The following THSD7B variants were observed in gnomAD, a reference collection of about 807,000 sequenced individuals.
The protein encoded by THSD7B is thrombospondin type-1 domain-containing protein 7B.
A neutral mutation model predicts 213.6 loss-of-function variants in THSD7B; 138 were observed. That is an observed-to-expected ratio of 0.65 (90% confidence interval 0.56 to 0.74). The LOEUF is 0.74. THSD7B is among the 30% of genes least tolerant of loss of function. THSD7B has a pLI of 0.00. For missense variants in THSD7B, 1,931 were observed against 1,991.5 expected (o/e 0.97, Z 0.58); for synonymous variants, 742 against 687.0 (o/e 1.08, Z -1.25).
At chr2:137,008,286 GCAGA>G (rs1686154077) in intron 2 of THSD7B, among the ~76,000 whole-genome samples, 1 of 152,072 alleles carries the variant, frequency 6.6e-6, no homozygotes, top group Non-Finnish European at 1.5e-5. Context: ...ATGTCCTCTG[GCAGA>G]CAGTGAGTTG....
intron 12 of THSD7B, among the ~76,000 whole-genome samples, chr2:137,384,289 G>C (rs1270505164): frequency 6.6e-6 from 1 of 152,148 alleles, no homozygotes; most frequent in Non-Finnish European, 1.5e-5. Context: ...TGGATTGCAG[G>C]CTTCATATTT....
At chr2:136,908,734 G>C (rs1482611726) in intron 2 of THSD7B, among the ~76,000 whole-genome samples, 1 of 152,200 alleles carries the variant, frequency 6.6e-6, no homozygotes, top group Non-Finnish European at 1.5e-5. Context: ...CCCAGCTAGT[G>C]CCGAGGCTGA....
rs1218399849 is a variant in THSD7B, at chr2:137,470,912, T to A, written c.3138+19889T>A. ...TCCTATTTCTTTATTTTTCTTTACT[T>A]TTTTTTTTTTTTTTTTTTCTTTTTT... On this transcript the variant is annotated intron_variant, in intron 15 of 27. Transcript: ENST00000409968. 2.0e-3 allele frequency among the ~76,000 whole-genome samples: 9 copies of A among 4,520 alleles called. No individual in the cohort carries two copies. The South Asian group carries it at 0.12, about 63-fold the overall frequency. The allele number at this position is 4,520 out of a possible 152,430, so 3.0% of individuals were successfully genotyped here.
chr2:137,037,094 A>G (rs1686791158), intron 2 of THSD7B, among the ~76,000 whole-genome samples: 1 of 152,110 alleles, frequency 6.6e-6, no homozygotes, highest in Non-Finnish European at 1.5e-5. Flanking sequence ...TTGCATTAAC[A>G]TTATTTTTGA....
intron 12 of THSD7B, among the ~76,000 whole-genome samples, chr2:137,337,992 C>T (rs1573969223): frequency 6.6e-6 from 1 of 151,974 alleles, no homozygotes. Flanking sequence ...ATACAAATAA[C>T]CCCAAAATTT....
chr2:137,270,553 C>G (rs2104803941), intron 10 of THSD7B, among the ~76,000 whole-genome samples: 1 of 152,098 alleles, frequency 6.6e-6, no homozygotes, highest in East Asian at 1.9e-4. Context: ...GATGACAGAA[C>G]ATTAATGGGT....
rs181194513 is a variant in THSD7B at position 137,585,092 on chromosome 2, C to T, written c.3423+12536C>T. ...GAAGTTGTATGTGTCCAGGAATTTA[C>T]CCATTTCTTCTAGATTTTCTAGTTT... On this transcript the variant is annotated intron_variant, in intron 17 of 27. Transcript: ENST00000409968. Among the ~76,000 whole-genome samples the T allele has an allele frequency of 6.0e-3, 906 of 152,012 alleles. 9 individuals are homozygous for T. The highest frequency in any genetic ancestry group is 0.021 in the African/African-American group (858 of 41,496).
At chr2:136,890,333 T>C (rs55821737) in intron 2 of THSD7B, among the ~76,000 whole-genome samples, 4,835 of 11,342 alleles carry the variant, frequency 0.43, 214 homozygotes, top group East Asian at 0.63. Context: ...TTCTTCTTCT[T>C]CTTCTTCTTC....
intron 1 of THSD7B, among the ~76,000 whole-genome samples, chr2:136,846,263 C>T (rs1304063605): frequency 6.6e-6 from 1 of 152,052 alleles, no homozygotes; most frequent in African/African-American, 2.4e-5. Context: ...CACACTCATA[C>T]CCTGGGTTAT....
chr2:137,486,257 C>A (rs1272895491), intron 15 of THSD7B, among the ~76,000 whole-genome samples: 1 of 151,644 alleles, frequency 6.6e-6, no homozygotes, highest in African/African-American at 2.4e-5. Context: ...ACCCATCTCA[C>A]GTGCAGAGAC....
At position 137,082,068 on chromosome 2, in the gene THSD7B, C is replaced by T. The variant is rs79479090; in HGVS notation, c.951-12805C>T. ...GTCTCTTACATTTTGAAGTCTGTAT[C>T]TGGGTTCTGAACTGCCAAGTTCCGA... On this transcript the variant is annotated intron_variant, in intron 3 of 27. Transcript: ENST00000409968. 5.8e-3 allele frequency among the ~76,000 whole-genome samples: 888 copies of T among 152,188 alleles called. 25 individuals are homozygous for T. The East Asian group carries it at 0.059, about 10-fold the overall frequency.
At chr2:136,778,953 A>T (rs1190507098) in intron 1 of THSD7B, among the ~76,000 whole-genome samples, 1 of 152,200 alleles carries the variant, frequency 6.6e-6, no homozygotes, top group Non-Finnish European at 1.5e-5. Context: ...CATTTTTAAA[A>T]GAGACTCAGG....
chr2:137,285,087 T>G (rs1457734322), intron 12 of THSD7B, among the ~76,000 whole-genome samples: 1 of 152,146 alleles, frequency 6.6e-6, no homozygotes, highest in African/African-American at 2.4e-5. Flanking sequence ...GGTGCTCCCG[T>G]ATTGGGTGCC....
At chr2:137,180,711 A>C (rs1187676553) in intron 7 of THSD7B, among the ~76,000 whole-genome samples, 1 of 152,222 alleles carries the variant, frequency 6.6e-6, no homozygotes, top group East Asian at 1.9e-4. Flanking sequence ...AGAAGTTTGA[A>C]CTTCAGTTGC....
At chr2:137,399,184 C>T (rs921578895) in intron 12 of THSD7B, among the ~76,000 whole-genome samples, 3 of 135,084 alleles carry the variant, frequency 2.2e-5, no homozygotes, top group Non-Finnish European at 3.2e-5. Context: ...CATCTTGGCT[C>T]CTCCCCACCC....
intron 2 of THSD7B, among the ~76,000 whole-genome samples, chr2:136,956,480 G>T (rs923753253): frequency 1.6e-3 from 7 of 4,302 alleles, no homozygotes; most frequent in African/African-American, 1.8e-3. Context: ...TGTCCCTTAA[G>T]AATTTTTTTA....
intron 2 of THSD7B, among the ~76,000 whole-genome samples, chr2:137,040,661 G>T (rs927731736): frequency 1.3e-5 from 2 of 151,966 alleles, no homozygotes; most frequent in Admixed American, 1.3e-4. Flanking sequence ...CCAAAATGCT[G>T]GGATTACAGG....
chr2:136,956,967 C>T (rs1012473535), intron 2 of THSD7B, among the ~76,000 whole-genome samples: 14 of 152,184 alleles, frequency 9.2e-5, no homozygotes, highest in South Asian at 4.2e-4. Context: ...CATGAGCCAC[C>T]GTGTCCAGCC....
At chr2:137,417,778 A>C (rs1686830761) in intron 14 of THSD7B, among the ~76,000 whole-genome samples, 1 of 152,176 alleles carries the variant, frequency 6.6e-6, no homozygotes, top group Non-Finnish European at 1.5e-5. Flanking sequence ...AGATTTGTGG[A>C]TATCAAAGAC....
Sources: allele counts gnomAD v4.1 joint callset (sites outside exome capture counted in the v4.1 genomes callset), GRCh38; gene constraint gnomAD v4.1.1; transcripts MANE v1.5; gene names NCBI Gene and HGNC (gene_info 2026-07-23, HGNC 2026-07-21).